Variants in PRPF18 observed in about 807,000 individuals in gnomAD.
PRPF18 encodes the protein pre-mRNA processing factor 18.
PRPF18 carries 38 observed loss-of-function variants against 46.5 expected under a neutral mutation model. That is an observed-to-expected ratio of 0.82 (90% CI 0.63 to 1.07). The LOEUF (loss-of-function observed/expected upper bound fraction) is 1.07. Among genes scored for constraint, PRPF18 ranks in the 50% least tolerant of loss-of-function variants. The probability of loss-of-function intolerance (pLI) is 0.00; values close to 1 mark genes in which losing one functional copy is unlikely to be tolerated. For synonymous variants in PRPF18, 152 were observed against 146.7 expected (o/e 1.04, Z -0.26); for missense variants, 263 against 410.0 (o/e 0.64, Z 3.10).
At chr10:13,652,327 G>T in the PRPF18 span, 3 of 308,826 alleles carry the variant, frequency 9.7e-6, no homozygotes, top group Non-Finnish European at 1.8e-5. Context: ...CATCTTAAGT[G>T]CATAGGACCC....
intron 2 of PRPF18, among the ~76,000 whole-genome samples, chr10:13,598,840 C>A (rs2080068929): frequency 6.6e-6 from 1 of 152,168 alleles, no homozygotes; most frequent in Non-Finnish European, 1.5e-5. Flanking sequence ...TTCCCAGATT[C>A]TTAAATTTGA....
At chr10:13,638,299 C>CTTTTTTTTTTTTT in the PRPF18 span, among the ~76,000 whole-genome samples, 6 of 125,042 alleles carry the variant, frequency 4.8e-5, no homozygotes, top group Non-Finnish European at 5.1e-5. Flanking sequence ...CTTGGCTTTT[C>CTTTTTTTTTTTTT]TTTTTTTTTT....
chr10:13,616,730 C>G (rs2080346512), intron 9 of PRPF18, among the ~76,000 whole-genome samples, 177 bp downstream of exon 9: 1 of 152,148 alleles, frequency 6.6e-6, no homozygotes, highest in African/African-American at 2.4e-5. Context: ...AAAGTAAAAA[C>G]CTTTCAACTT....
In PRPF18 at chr10:13,630,662, A is replaced by G. The variant is rs1459674550; in HGVS notation, c.*322A>G. ...CAGTTGACCCGAAAGTTGTGGTTAG[A>G]TGATTAAAAAGAAACATTTGAGGAT... On this transcript the variant is annotated 3_prime_UTR_variant, in exon 10 of 10. Coordinates refer to ENST00000378572, the MANE Select transcript of PRPF18 (RefSeq NM_003675.4). The G allele has an allele frequency of 1.2e-5, 2 of 161,228 alleles. No homozygotes were observed. The highest frequency in any genetic ancestry group is 6.4e-5 in the Admixed American group (1 of 15,580). The allele number at this position is 161,228 out of a possible 1,614,324, so 10.0% of individuals were successfully genotyped here.
chr10:13,618,346 G>A (rs1260466623), intron 9 of PRPF18, among the ~76,000 whole-genome samples: 1 of 152,086 alleles, frequency 6.6e-6, no homozygotes, highest in East Asian at 1.9e-4. Flanking sequence ...AAGAATTAGA[G>A]GCTGAGCATG....
At chr10:13,595,313 A>C (rs1367676504) in intron 1 of PRPF18, among the ~76,000 whole-genome samples, 1 of 152,240 alleles carries the variant, frequency 6.6e-6, no homozygotes, top group African/African-American at 2.4e-5. Context: ...AGGTGTGTTC[A>C]ATGGAATTGA....
At position 13,630,436 on chromosome 10, in the gene PRPF18, G is replaced by A. The variant is rs2080579574; in HGVS notation, c.*96G>A. On this transcript the variant is annotated 3_prime_UTR_variant, in exon 10 of 10. Transcript: ENST00000378572. ...ACAGGAATGAGGAAAGAAGAAAACT[G>A]GAGTTTCCAGTCTCTGAGTTCTACC... is the stretch of plus-strand genomic sequence containing the variant. 1 of 985,268 alleles carries A rather than the reference G, an allele frequency of 1.0e-6. No homozygotes were observed. Among genetic ancestry groups the A allele is most frequent in the East Asian group, 2.6e-5 (1 of 38,360 alleles). The allele number at this position is 985,268 out of a possible 1,614,324, so 61.0% of individuals were successfully genotyped here.
Position 13,610,028 on chromosome 10 carries a change from G to C in PRPF18, c.364-11G>C. The C allele has an allele frequency of 6.4e-7, 1 of 1,564,248 alleles. No homozygotes were observed. ...CATAACAGGTGTTCTTCCTTTTTTT[G>C]CTTTTCTTAGGGATTGAGGAATGAT... On this transcript the variant is annotated splice_polypyrimidine_tract_variant and intron_variant, in intron 4 of 9. Coordinates refer to ENST00000378572, the MANE Select transcript of PRPF18 (RefSeq NM_003675.4).
At chr10:13,622,502 C>T (rs965572768) in intron 9 of PRPF18, among the ~76,000 whole-genome samples, 4 of 152,166 alleles carry the variant, frequency 2.6e-5, no homozygotes, top group Admixed American at 2.0e-4. Context: ...TGAAATCTTC[C>T]CTCAAATTAG....
intron 3 of PRPF18, 123 bp downstream of exon 3, chr10:13,600,471 G>T: frequency 1.5e-6 from 1 of 654,850 alleles, no homozygotes. Flanking sequence ...TAAAAATGCT[G>T]TGCAGCTAGT....
At chr10:13,651,850 CAT>C in the PRPF18 span, 1 of 869,488 alleles carries the variant, frequency 1.2e-6, no homozygotes, top group Non-Finnish European at 2.0e-6. Context: ...AAAAGCAACA[CAT>C]GTGGGACCAC....
intron 9 of PRPF18, among the ~76,000 whole-genome samples, chr10:13,623,255 T>C (rs555003685): frequency 6.6e-6 from 1 of 152,368 alleles, no homozygotes; most frequent in South Asian, 2.1e-4. Flanking sequence ...ATTGGCGTTT[T>C]AATGCATGAC....
chr10:13,633,293 A>G (rs2080606668), downstream of PRPF18, among the ~76,000 whole-genome samples: 1 of 152,236 alleles, frequency 6.6e-6, no homozygotes, highest in Non-Finnish European at 1.5e-5. Context: ...GTGAGAACTC[A>G]GAGGACTAGG....
chr10:13,612,454 TA>T lies in PRPF18; in HGVS notation c.579+772del, dbSNP rs929750610. ...TGTATTTTTTATTTATTTATTTATTTATTTTTTTAGTAAAGAGACAGGTTTT... is the reference window on the plus strand; with the variant it reads ...TGTATTTTTTATTTATTTATTTATTTTTTTTTTAGTAAAGAGACAGGTTTT... On this transcript the variant is annotated intron_variant, in intron 6 of 9. Coordinates refer to ENST00000378572, the MANE Select transcript of PRPF18 (RefSeq NM_003675.4). Among the ~76,000 whole-genome samples the T allele has an allele frequency of 1.3e-3, 193 of 151,660 alleles. 1 individual carries two copies. The highest frequency in any genetic ancestry group is 4.5e-3 in the African/African-American group (185 of 41,396).
chr10:13,610,240 G>A, intron 5 of PRPF18, 55 bp downstream of exon 5: 1 of 1,560,462 alleles, frequency 6.4e-7, no homozygotes, highest in Non-Finnish European at 8.7e-7. Context: ...TTCCTCTGGA[G>A]CAGATGACTG....
At chr10:13,639,429 A>C in the PRPF18 span, 1 of 152,172 alleles carries the variant, frequency 6.6e-6, no homozygotes, top group Non-Finnish European at 1.5e-5. Flanking sequence ...CTCTGGTTTC[A>C]TCATTTTGGG....
At chr10:13,624,900 A>G (rs1331355971) in intron 9 of PRPF18, among the ~76,000 whole-genome samples, 1 of 152,248 alleles carries the variant, frequency 6.6e-6, no homozygotes, top group Non-Finnish European at 1.5e-5. Context: ...ACTCATCAGC[A>G]TGAATGTTCA....
chr10:13,616,664 A>G, intron 9 of PRPF18, 111 bp downstream of exon 9: 2 of 1,379,822 alleles, frequency 1.4e-6, no homozygotes, highest in African/African-American at 1.5e-5. Context: ...ACATAGCGTG[A>G]TAGGATGGAA....
intron 1 of PRPF18, chr10:13,591,591 G>T (rs2079962099): frequency 3.2e-5 from 22 of 679,560 alleles, no homozygotes; most frequent in Non-Finnish European, 5.1e-5. Flanking sequence ...ATCTTGTGCT[G>T]CTCTGTAATC....
Sources: gnomAD v4.1 joint callset for allele counts (sites outside exome capture counted in the v4.1 genomes callset) on GRCh38, gnomAD v4.1.1 for gene constraint, MANE v1.5 for transcripts, NCBI Gene and HGNC (gene_info 2026-07-23, HGNC 2026-07-21) for gene names.